CHCHD6: variants seen among roughly 807,000 people sequenced by gnomAD.
CHCHD6 encodes MICOS complex subunit MIC25.
A neutral mutation model predicts 32.3 loss-of-function variants in CHCHD6; 28 were observed. The observed-to-expected ratio is 0.87, with a 90% CI of 0.64 to 1.19. The LOEUF (loss-of-function observed/expected upper bound fraction) is 1.19, where lower values mean the gene tolerates loss of function less well. Among genes scored for constraint, CHCHD6 ranks in the 50% most tolerant of loss-of-function variants. The pLI is 0.00. For synonymous variants in CHCHD6, 122 were observed against 117.5 expected (o/e 1.04, Z -0.25); for missense variants, 333 against 307.0 (o/e 1.08, Z -0.63).
At chr3:126,856,115 G>A (rs1941658371) in intron 5 of CHCHD6, among the ~76,000 whole-genome samples, 1 of 152,086 alleles carries the variant, frequency 6.6e-6, no homozygotes, top group Non-Finnish European at 1.5e-5. Context: ...AATGATGGCT[G>A]ATGAGCTAAA....
At chr3:126,926,598 G>A (rs147519968) in intron 6 of CHCHD6, among the ~76,000 whole-genome samples, 6 of 152,252 alleles carry the variant, frequency 3.9e-5, no homozygotes, top group African/African-American at 1.4e-4. Context: ...GGGGAAAGAT[G>A]GGGACCAGGC....
intron 4 of CHCHD6, among the ~76,000 whole-genome samples, chr3:126,819,674 G>A (rs1213558796): frequency 6.6e-6 from 1 of 152,210 alleles, no homozygotes; most frequent in Non-Finnish European, 1.5e-5. Flanking sequence ...GCCACACCTG[G>A]TAGAAGACTC....
intron 6 of CHCHD6, among the ~76,000 whole-genome samples, chr3:126,918,553 G>A (rs2078202240): frequency 6.6e-6 from 1 of 152,252 alleles, no homozygotes; most frequent in Admixed American, 6.5e-5. Flanking sequence ...TGCCATGAAA[G>A]AAAGAGTCTG....
intron 4 of CHCHD6, among the ~76,000 whole-genome samples, chr3:126,843,043 T>C (rs1188836609): frequency 2.0e-5 from 3 of 152,078 alleles, no homozygotes; most frequent in Admixed American, 6.6e-5. Context: ...AAGCATGATA[T>C]TATATATAGA....
intron 1 of CHCHD6, among the ~76,000 whole-genome samples, chr3:126,724,917 C>G (rs572875587): frequency 1.3e-5 from 2 of 152,312 alleles, no homozygotes; most frequent in Non-Finnish European, 2.9e-5. Flanking sequence ...CATCCTCAGG[C>G]TCCACTTCTA....
intron 7 of CHCHD6, among the ~76,000 whole-genome samples, chr3:126,958,344 T>C (rs2078816240): frequency 6.6e-6 from 1 of 151,898 alleles, no homozygotes; most frequent in Non-Finnish European, 1.5e-5. Context: ...CCCCAAGGAG[T>C]GCGGCCTGTT....
At chr3:126,758,539 A>G (rs1311583507) in intron 4 of CHCHD6, among the ~76,000 whole-genome samples, 2 of 152,226 alleles carry the variant, frequency 1.3e-5, no homozygotes, top group Admixed American at 1.3e-4. Flanking sequence ...AAGTGATTTC[A>G]TGGGATGCAT....
rs367893646 is a variant in CHCHD6 at position 126,822,236 on chromosome 3, G to T, written c.412-30411G>T. Reference sequence around the variant, plus strand: ...TTTAATCCATTTTGAGTTAGTTTTTGTATATGGTGTGAGGTTGGGGTCTAG... The same window carrying T: ...TTTAATCCATTTTGAGTTAGTTTTTTTATATGGTGTGAGGTTGGGGTCTAG... On this transcript the variant is annotated intron_variant, in intron 4 of 7. Transcript: ENST00000290913. Among the ~76,000 whole-genome samples the T allele has an allele frequency of 1.4e-4, 21 of 149,216 alleles. 1 individual carries two copies. The South Asian group carries it at 4.4e-3, about 31-fold the overall frequency.
intron 1 of CHCHD6, among the ~76,000 whole-genome samples, chr3:126,719,209 G>A (rs1158463333): frequency 6.6e-6 from 1 of 152,226 alleles, no homozygotes; most frequent in East Asian, 1.9e-4. Flanking sequence ...TGGCCTGCCG[G>A]CCTTCTGTGG....
intron 5 of CHCHD6, among the ~76,000 whole-genome samples, chr3:126,894,762 T>C (rs1559908611): frequency 6.6e-6 from 1 of 152,166 alleles, no homozygotes; most frequent in East Asian, 1.9e-4. Context: ...GACTGGGCCA[T>C]ACAGCTGCAG....
intron 5 of CHCHD6, among the ~76,000 whole-genome samples, chr3:126,872,296 G>C (rs2077485724): frequency 6.6e-6 from 1 of 152,188 alleles, no homozygotes; most frequent in South Asian, 2.1e-4. Context: ...AGCTTCTCGG[G>C]AGGCTGACAT....
At chr3:126,920,898 T>C (rs1321145627) in intron 6 of CHCHD6, among the ~76,000 whole-genome samples, 2 of 152,232 alleles carry the variant, frequency 1.3e-5, no homozygotes, top group Non-Finnish European at 2.9e-5. Context: ...TTCATAATCT[T>C]GGACCTCAAG....
chr3:126,796,068 G>A (rs1167832969), intron 4 of CHCHD6, among the ~76,000 whole-genome samples: 2 of 152,152 alleles, frequency 1.3e-5, no homozygotes, highest in Admixed American at 6.5e-5. Context: ...TTCTTGGCCA[G>A]GTGTAGTGGC....
chr3:126,936,794 A>G (rs978978667), intron 6 of CHCHD6, among the ~76,000 whole-genome samples: 1 of 152,204 alleles, frequency 6.6e-6, no homozygotes, highest in African/African-American at 2.4e-5. Context: ...ACCTCAAACA[A>G]TCTGCCCACC....
intron 2 of CHCHD6, 99 bp from the exon 3 acceptor site, chr3:126,730,462 C>A: frequency 1.1e-6 from 1 of 930,076 alleles, no homozygotes. Context: ...TTCCAAGGGG[C>A]ACATTCATTC....
At chr3:126,937,346 G>T (rs2078495188) in intron 6 of CHCHD6, among the ~76,000 whole-genome samples, 1 of 152,220 alleles carries the variant, frequency 6.6e-6, no homozygotes, top group Non-Finnish European at 1.5e-5. Flanking sequence ...GGAAGAAGCA[G>T]CCTGGGTGGT....
rs111399341 is a variant in CHCHD6, at chr3:126,951,061, C to T, written c.567-6355C>T. ...ATCTCATCTTGAATTGTAATCCCCA[C>T]GTGTCAAGGAAGGAAGGTAATTGGA... On this transcript the variant is annotated intron_variant, in intron 6 of 7. Coordinates refer to ENST00000290913, the MANE Select transcript of CHCHD6 (RefSeq NM_032343.3). Among the ~76,000 whole-genome samples, 323 of 152,278 alleles carry T rather than the reference C, an allele frequency of 2.1e-3. 1 individual carries two copies. The highest frequency in any genetic ancestry group is 7.3e-3 in the African/African-American group (305 of 41,562).
intron 5 of CHCHD6, among the ~76,000 whole-genome samples, chr3:126,913,069 C>T (rs561437905): frequency 4.1e-4 from 63 of 152,282 alleles, no homozygotes; most frequent in African/African-American, 1.5e-3. Flanking sequence ...TGCAAGGCAA[C>T]GCAGCTCTAA....
chr3:126,787,778 C>G (rs1266318266), intron 4 of CHCHD6, among the ~76,000 whole-genome samples: 3 of 152,178 alleles, frequency 2.0e-5, no homozygotes, highest in Admixed American at 6.5e-5. Context: ...CAAACAGGGA[C>G]AGTTTGACTT....
Sources: allele counts gnomAD v4.1 joint callset (sites outside exome capture counted in the v4.1 genomes callset), GRCh38; gene constraint gnomAD v4.1.1; transcripts MANE v1.5; gene names NCBI Gene and HGNC (gene_info 2026-07-23, HGNC 2026-07-21).